ANKRD62: variants seen among roughly 807,000 people sequenced by gnomAD.
ANKRD62 encodes ankyrin repeat domain 62, also known as ankyrin repeat domain-containing protein 62.
ANKRD62 carries 61 observed loss-of-function variants against 98.8 expected under a neutral mutation model. The observed-to-expected ratio is 0.62, with a 90% CI of 0.50 to 0.76. ANKRD62 has a LOEUF of 0.76. Ranked by LOEUF, ANKRD62 falls within the 30% of genes least tolerant of loss-of-function variation. The probability of loss-of-function intolerance (pLI) is 0.00; values close to 1 mark genes in which losing one functional copy is unlikely to be tolerated. For synonymous variants in ANKRD62, 341 were observed against 367.9 expected (o/e 0.93, Z 0.84); for missense variants, 933 against 1,082.9 (o/e 0.86, Z 1.94).
chr18:12,169,642 T>C, the ANKRD62 span, among the ~76,000 whole-genome samples: 46 of 152,276 alleles, frequency 3.0e-4, no homozygotes, highest in Non-Finnish European at 4.0e-4. Context: ...ATGATGCTGG[T>C]CTCATAAAAT....
chr18:12,108,163 G>C (rs940067556), intron 8 of ANKRD62, among the ~76,000 whole-genome samples: 2 of 152,140 alleles, frequency 1.3e-5, no homozygotes, highest in Non-Finnish European at 2.9e-5. Context: ...CACCAGTAAA[G>C]TATCTTTAAA....
At chr18:12,172,890 C>T in the ANKRD62 span, among the ~76,000 whole-genome samples, 3 of 152,196 alleles carry the variant, frequency 2.0e-5, no homozygotes, top group Non-Finnish European at 4.4e-5. Context: ...GCTCCATGGG[C>T]GTGGGACCCT....
At chr18:12,099,536 TAAG>T in intron 5 of ANKRD62, 76 bp from the exon 6 acceptor site, 1 of 872,390 alleles carries the variant, frequency 1.1e-6, no homozygotes, top group Admixed American at 3.1e-5. Context: ...GATATACTCT[TAAG>T]AATTTAATGT....
intron 10 of ANKRD62, among the ~76,000 whole-genome samples, chr18:12,120,913 T>A (rs1339748162): frequency 1.3e-5 from 2 of 152,194 alleles, no homozygotes; most frequent in Non-Finnish European, 2.9e-5. Flanking sequence ...TACACTTTTA[T>A]TTATTTTTTT....
the ANKRD62 span, among the ~76,000 whole-genome samples, chr18:12,168,250 G>C: frequency 6.6e-6 from 1 of 152,072 alleles, no homozygotes; most frequent in Non-Finnish European, 1.5e-5. Context: ...TTTTCTTCTA[G>C]GGTTTTTATG....
chr18:12,170,029 T>C, the ANKRD62 span, among the ~76,000 whole-genome samples: 3 of 152,234 alleles, frequency 2.0e-5, no homozygotes, highest in African/African-American at 7.2e-5. Flanking sequence ...TTTTCTTCTT[T>C]ATTAGTCTTG....
the ANKRD62 span, among the ~76,000 whole-genome samples, chr18:12,140,705 G>T: frequency 1.3e-5 from 2 of 152,172 alleles, no homozygotes; most frequent in Non-Finnish European, 2.9e-5. Context: ...CGTTCCTCTG[G>T]AAGTTTTGTC....
At chr18:12,119,346 C>T (rs200095224) in intron 10 of ANKRD62, among the ~76,000 whole-genome samples, 5 of 132,510 alleles carry the variant, frequency 3.8e-5, no homozygotes, top group African/African-American at 1.4e-4. Context: ...TGATCTTCTT[C>T]TTTTTTTTTT....
intron 6 of ANKRD62, among the ~76,000 whole-genome samples, chr18:12,100,953 G>C (rs1016540865): frequency 6.6e-6 from 1 of 152,116 alleles, no homozygotes; most frequent in Non-Finnish European, 1.5e-5. Context: ...GAACAGACCG[G>C]GGGCTGCCTC....
Position 12,126,306 on chromosome 18 carries a change from A to T in ANKRD62, c.2485A>T (p.Asn829Tyr). The change falls in exon 13 of 14, where the codon AAT (asparagine) becomes TAT (tyrosine). Residue 829 changes from asparagine to tyrosine, a missense_variant. Physicochemically the swap from Asn to Tyr is moderately radical, Grantham distance 143. Transcript: ENST00000587848. ...QAECRKLEEN[N>Y]KGLMKECTLL... ...TGAGTGTAGAAAGCTAGAAGAGAAC[A>T]ATAAGGGGTTGATGAAGGAATGCAC... 3 of 1,534,782 alleles carry T rather than the reference A, an allele frequency of 2.0e-6. No individual in the cohort carries two copies. The highest frequency in any genetic ancestry group is 2.6e-6 in the Non-Finnish European group (3 of 1,146,472).
At chr18:12,162,274 A>G in the ANKRD62 span, among the ~76,000 whole-genome samples, 5 of 152,098 alleles carry the variant, frequency 3.3e-5, no homozygotes, top group Non-Finnish European at 7.4e-5. Context: ...ATGATCAGTG[A>G]TGTTGAACTT....
intron 3 of ANKRD62, among the ~76,000 whole-genome samples, 188 bp from the exon 4 acceptor site, chr18:12,096,008 C>T (rs1303569749): frequency 6.6e-6 from 1 of 152,122 alleles, no homozygotes; most frequent in Non-Finnish European, 1.5e-5. Flanking sequence ...CTTCCAGACA[C>T]CCTAGGAGGG....
chr18:12,116,754 A>C lies in ANKRD62; in HGVS notation c.1240+1220A>C, dbSNP rs80300526. Among the ~76,000 whole-genome samples the C allele has an allele frequency of 4.8e-3, 730 of 152,288 alleles. 18 individuals are homozygous for C. The East Asian group carries it at 0.092, about 19-fold the overall frequency. ...AGAATCAGCTTGTCAATTTAAAAAA[A>C]TTTAGAATCACCTCGTCATTTAAAA... is the stretch of plus-strand genomic sequence containing the variant. On this transcript the variant is annotated intron_variant, in intron 10 of 13. Transcript: ENST00000587848.
chr18:12,168,311 A>G, the ANKRD62 span, among the ~76,000 whole-genome samples: 1 of 151,926 alleles, frequency 6.6e-6, no homozygotes, highest in Non-Finnish European at 1.5e-5. Flanking sequence ...TAATTTTTGT[A>G]TAAGGTGTAA....
At chr18:12,120,379 A>AT (rs1909759292) in intron 10 of ANKRD62, among the ~76,000 whole-genome samples, 1 of 152,182 alleles carries the variant, frequency 6.6e-6, no homozygotes, top group Non-Finnish European at 1.5e-5. Context: ...AACTTTTATC[A>AT]TTGTGACGTG....
chr18:12,133,226 T>TA (rs1250903117), downstream of ANKRD62, among the ~76,000 whole-genome samples: 1 of 152,204 alleles, frequency 6.6e-6, no homozygotes, highest in Non-Finnish European at 1.5e-5. Flanking sequence ...AAGGCTCATC[T>TA]ATATCATACA....
At chr18:12,116,836 G>A (rs570506146) in intron 10 of ANKRD62, among the ~76,000 whole-genome samples, 1 of 152,250 alleles carries the variant, frequency 6.6e-6, no homozygotes, top group African/African-American at 2.4e-5. Flanking sequence ...TGCATTTATA[G>A]ATTAATTTAT....
intron 5 of ANKRD62, among the ~76,000 whole-genome samples, chr18:12,098,158 T>C (rs1397496185): frequency 6.6e-6 from 1 of 152,236 alleles, no homozygotes; most frequent in Middle Eastern, 3.2e-3. Flanking sequence ...TTATATCTTA[T>C]GTAGCAGCTT....
chr18:12,163,621 T>TGTGGGTCTG, the ANKRD62 span, among the ~76,000 whole-genome samples: 3 of 152,140 alleles, frequency 2.0e-5, no homozygotes, highest in African/African-American at 7.2e-5. Context: ...TTTTTCTTCA[T>TGTGGGTCTG]TTAGTATGAT....
Sources: gnomAD v4.1 joint callset for allele counts (sites outside exome capture counted in the v4.1 genomes callset) on GRCh38, gnomAD v4.1.1 for gene constraint, MANE v1.5 for transcripts, NCBI Gene and HGNC (gene_info 2026-07-23, HGNC 2026-07-21) for gene names.